The following RHBDD1 variants were observed in gnomAD, a reference collection of about 807,000 sequenced individuals.
RHBDD1 encodes the protein rhomboid domain containing 1, also known as rhomboid-related protein 4.
In RHBDD1, 38 loss-of-function variants were observed where a neutral mutation model predicts 36.3. That is an observed-to-expected ratio of 1.05 (90% CI 0.81 to 1.37). The LOEUF is 1.37. Ranked by LOEUF, RHBDD1 falls within the 40% of genes most tolerant of loss-of-function variation. The pLI, the probability that RHBDD1 is intolerant of heterozygous loss-of-function variation, is 0.00. For synonymous variants in RHBDD1, 151 were observed against 136.5 expected, an observed-to-expected ratio of 1.11 and a Z score of -0.74; for missense variants, 393 against 377.6, an observed-to-expected ratio of 1.04 and a Z score of -0.34.
At chr2:226,816,375 CAAAAAAAAAAAAAAA>C in the RHBDD1 span, among the ~76,000 whole-genome samples, 1 of 64,940 alleles carries the variant, frequency 1.5e-5, no homozygotes, top group African/African-American at 4.7e-5. Flanking sequence ...GGAATGGTGG[CAAAAAAAAAAAAAAA>C]AAAAAAGAAA....
intron 5 of RHBDD1, among the ~76,000 whole-genome samples, chr2:226,905,623 G>A (rs111650306): frequency 0.04 from 6,022 of 152,288 alleles, 385 homozygotes; most frequent in African/African-American, 0.13. Flanking sequence ...ACTGATGGCC[G>A]TGTGTGGGAT....
At chr2:226,869,608 A>G (rs777046562) in intron 5 of RHBDD1, among the ~76,000 whole-genome samples, 1 of 152,228 alleles carries the variant, frequency 6.6e-6, no homozygotes, top group African/African-American at 2.4e-5. Flanking sequence ...GTTTTATGAA[A>G]GCCACGGAAT....
At chr2:226,948,582 A>AAT (rs1466713082) in intron 8 of RHBDD1, among the ~76,000 whole-genome samples, 22 of 119,172 alleles carry the variant, frequency 1.8e-4, no homozygotes, top group African/African-American at 3.9e-4. Context: ...AAAAAAAAAA[A>AAT]AAACGAAAAA....
At chr2:226,955,909 G>C (rs781291967) in intron 8 of RHBDD1, among the ~76,000 whole-genome samples, 1 of 152,166 alleles carries the variant, frequency 6.6e-6, no homozygotes, top group Non-Finnish European at 1.5e-5. Context: ...AAATGAATTG[G>C]TGGGGGGGAC....
At chr2:226,940,255 C>G (rs1039500618) in intron 8 of RHBDD1, among the ~76,000 whole-genome samples, 7 of 152,140 alleles carry the variant, frequency 4.6e-5, no homozygotes, top group Non-Finnish European at 7.3e-5. Flanking sequence ...GCAAAGATTT[C>G]ATGATGAAGA....
chr2:226,914,959 C>T (rs776895104), intron 8 of RHBDD1, among the ~76,000 whole-genome samples: 12 of 152,000 alleles, frequency 7.9e-5, no homozygotes, highest in African/African-American at 2.7e-4. Context: ...GTTTGAGTAG[C>T]GACTAAAAAT....
chr2:226,936,581 C>T (rs532541845), intron 8 of RHBDD1, among the ~76,000 whole-genome samples: 7 of 151,996 alleles, frequency 4.6e-5, no homozygotes, highest in Non-Finnish European at 1.0e-4. Flanking sequence ...ACAATAAAAG[C>T]GTAAAGAAAA....
intron 5 of RHBDD1, among the ~76,000 whole-genome samples, chr2:226,883,554 G>A (rs903718645): frequency 6.6e-6 from 1 of 152,176 alleles, no homozygotes; most frequent in Admixed American, 6.5e-5. Context: ...CTGGAATAAG[G>A]TTCACTACCC....
intron 8 of RHBDD1, among the ~76,000 whole-genome samples, chr2:226,938,185 G>A (rs762922321): frequency 1.1e-4 from 17 of 152,106 alleles, no homozygotes; most frequent in Non-Finnish European, 2.4e-4. Flanking sequence ...TTTATCTAAT[G>A]ATCAGTGATG....
chr2:226,985,022 A>G (rs1025860536), intron 8 of RHBDD1, among the ~76,000 whole-genome samples: 1 of 152,136 alleles, frequency 6.6e-6, no homozygotes, highest in Non-Finnish European at 1.5e-5. Context: ...AGTAACCAGT[A>G]CCACCTGATT....
chr2:226,841,886 T>A (rs922210761), intron 3 of RHBDD1, among the ~76,000 whole-genome samples: 1 of 152,234 alleles, frequency 6.6e-6, no homozygotes, highest in Non-Finnish European at 1.5e-5. Context: ...TCTTACACAG[T>A]GGTTGAACTA....
intron 8 of RHBDD1, among the ~76,000 whole-genome samples, chr2:226,973,250 A>G (rs1232426679): frequency 6.6e-6 from 1 of 152,254 alleles, no homozygotes. Context: ...GGAATCCCAA[A>G]GTATATCCTT....
intron 3 of RHBDD1, among the ~76,000 whole-genome samples, chr2:226,846,028 G>T (rs1258445553): frequency 6.6e-6 from 1 of 152,202 alleles, no homozygotes; most frequent in Admixed American, 6.5e-5. Context: ...AGCTGCATGT[G>T]CTGTCAGAAC....
At chr2:226,886,830 T>A (rs1946255083) in intron 5 of RHBDD1, among the ~76,000 whole-genome samples, 1 of 152,068 alleles carries the variant, frequency 6.6e-6, no homozygotes, top group Admixed American at 6.6e-5. Context: ...TTCTATTATA[T>A]ACCAAAAAAT....
chr2:226,801,074 TGCCTGGCCCGTTTGGGGTTGCC>T, the RHBDD1 span, among the ~76,000 whole-genome samples: 1 of 152,368 alleles, frequency 6.6e-6, no homozygotes, highest in African/African-American at 2.4e-5. Context: ...CTCATTTTGA[TGCCTGGCCCGTTTGGGGTTGCC>T]GCCCCTTTAC....
chr2:226,836,704 A>G (rs2124896854), intron 1 of RHBDD1, among the ~76,000 whole-genome samples: 1 of 152,310 alleles, frequency 6.6e-6, no homozygotes, highest in Non-Finnish European at 1.5e-5. Context: ...GTGCCTGCCT[A>G]GTTATGATTC....
At chr2:226,894,445 A>G (rs1386102847) in intron 5 of RHBDD1, among the ~76,000 whole-genome samples, 1 of 151,802 alleles carries the variant, frequency 6.6e-6, no homozygotes, top group Admixed American at 6.6e-5. Flanking sequence ...AAATTTTTGT[A>G]TTTTTAGTAG....
intron 3 of RHBDD1, among the ~76,000 whole-genome samples, chr2:226,864,126 T>A (rs531705969): frequency 1.3e-5 from 2 of 152,314 alleles, no homozygotes; most frequent in South Asian, 4.1e-4. Flanking sequence ...GGATTAAAGA[T>A]AATGTATGCT....
intron 8 of RHBDD1, among the ~76,000 whole-genome samples, chr2:226,994,050 G>GC (rs1227632197): frequency 1.3e-5 from 2 of 152,312 alleles, no homozygotes; most frequent in African/African-American, 4.8e-5. Context: ...TGGGTCCAAG[G>GC]CCATGTGTGC....
Sources: allele counts gnomAD v4.1 joint callset (sites outside exome capture counted in the v4.1 genomes callset), GRCh38; gene constraint gnomAD v4.1.1; transcripts MANE v1.5; gene names NCBI Gene and HGNC (gene_info 2026-07-23, HGNC 2026-07-21).